USP43: variants seen among roughly 807,000 people sequenced by gnomAD.
USP43 encodes ubiquitin specific peptidase 43, also known as ubiquitin carboxyl-terminal hydrolase 43.
USP43 carries 33 observed loss-of-function variants against 90.7 expected under a neutral mutation model. The ratio of observed to expected loss-of-function variants is 0.36; its 90% CI spans 0.28 to 0.49. USP43 has a LOEUF of 0.49. Among genes scored for constraint, USP43 ranks in the 20% least tolerant of loss-of-function variants. The probability of loss-of-function intolerance (pLI) is 0.98; values close to 1 mark genes in which losing one functional copy is unlikely to be tolerated. For missense variants in USP43, 1,274 were observed against 1,476.4 expected (o/e 0.86, Z 2.25); for synonymous variants, 598 against 615.8 (o/e 0.97, Z 0.43).
chr17:9,676,638 C>T, intron 4 of USP43, 108 bp from the exon 5 acceptor site: 1 of 1,367,082 alleles, frequency 7.3e-7, no homozygotes. Flanking sequence ...TCCCAAAATG[C>T]TAGGATTACA....
chr17:9,723,647 G>C (rs1267617566), intron 14 of USP43, among the ~76,000 whole-genome samples: 1 of 147,600 alleles, frequency 6.8e-6, no homozygotes, highest in African/African-American at 2.5e-5. Flanking sequence ...GCAGTGGTAC[G>C]ATCTTGGCTC....
rs898759754 is a variant in USP43 at position 9,645,822 on chromosome 17, G to A, written c.190G>A (p.Ala64Thr). Residue 64 changes from alanine (A) to threonine (T), a missense_variant, in exon 1 of 15, where the codon GCC (alanine) becomes ACC (threonine). Physicochemically the swap from Ala to Thr is moderately conservative, Grantham distance 58. Coordinates refer to ENST00000285199, the MANE Select transcript of USP43 (RefSeq NM_153210.5). The surrounding 1 kb of genome is among the most constrained non-coding windows in gnomAD (Gnocchi z 6.8). ...CGACGGTGAGGGGGGCTTCGCCTGC[G>A]CCCCGGGCCCAGTTCCAGCGGCCCC... ...DGDGEGGFAC[A>T]PGPVPAAPGS... 1.5e-5 allele frequency: 21 copies of A among 1,389,276 alleles called. No individual in the cohort carries two copies. The East Asian group carries it at 1.5e-4, about 10-fold the overall frequency. The allele number at this position is 1,389,276 out of a possible 1,614,324, so 86.1% of individuals were successfully genotyped here.
intron 3 of USP43, among the ~76,000 whole-genome samples, chr17:9,673,993 C>T (rs372587659): frequency 1.3e-5 from 2 of 152,124 alleles, no homozygotes; most frequent in African/African-American, 4.8e-5. Flanking sequence ...AGCTTAAAAG[C>T]TCAGGATTTT....
chr17:9,722,482 TA>T (rs769723350), intron 14 of USP43, among the ~76,000 whole-genome samples: 2 of 152,238 alleles, frequency 1.3e-5, no homozygotes, highest in African/African-American at 4.8e-5. Flanking sequence ...ATTTCGTTTT[TA>T]AAGATTTTAT....
In USP43 at chr17:9,645,830, C is replaced by A. The variant is rs760575803; in HGVS notation, c.198C>A (p.Gly66=). The A allele has an allele frequency of 5.0e-6, 7 of 1,399,646 alleles. No individual in the cohort carries two copies. In the South Asian group the frequency reaches 9.9e-5, roughly 20 times the overall value. 86.7% of individuals were successfully genotyped at this position (1,399,646 alleles called of 1,614,324 possible). A position where few individuals can be genotyped will look rare whatever the true frequency, so the allele number is the denominator to read the frequency against. The change falls in exon 1 of 15, where the codon GGC becomes GGA. Residue 66 remains glycine, a synonymous_variant. Coordinates refer to ENST00000285199, the MANE Select transcript of USP43 (RefSeq NM_153210.5). This position sits in a 1 kb window ranked among gnomAD's most constrained non-coding sequence, Gnocchi z 6.8. The part of the protein sequence containing the change: ...DGEGGFACAP[G]PVPAAPGSPG... ...AGGGGGGCTTCGCCTGCGCCCCGGG[C>A]CCAGTTCCAGCGGCCCCCGGGAGCC...
intron 1 of USP43, among the ~76,000 whole-genome samples, chr17:9,648,938 C>CCTCTCTTTCTCTCTCTCTCT (rs1458953870): frequency 5.8e-4 from 75 of 129,892 alleles, no homozygotes; most frequent in Middle Eastern, 7.7e-3. Flanking sequence ...TGTCTCTCTC[C>CCTCTCTTTCTCTCTCTCTCT]CTCTCTCTCT....
At chr17:9,696,371 C>A (rs2151985249) in intron 9 of USP43, among the ~76,000 whole-genome samples, 1 of 152,158 alleles carries the variant, frequency 6.6e-6, no homozygotes, top group South Asian at 2.1e-4. Context: ...TGAGCTCAGG[C>A]AATCCGCCTG....
intron 7 of USP43, among the ~76,000 whole-genome samples, chr17:9,683,233 G>C (rs1332118756): frequency 6.6e-6 from 1 of 152,118 alleles, no homozygotes; most frequent in Non-Finnish European, 1.5e-5. Flanking sequence ...GTAAAACCTA[G>C]GCGGTGCAGT....
intron 7 of USP43, among the ~76,000 whole-genome samples, chr17:9,685,234 C>T (rs189794900): frequency 1.3e-5 from 2 of 152,314 alleles, no homozygotes; most frequent in East Asian, 1.9e-4. Flanking sequence ...CTCATTGGGT[C>T]TTCACACAGG....
At chr17:9,724,328 T>C (rs1012643632) in intron 14 of USP43, among the ~76,000 whole-genome samples, 1 of 152,174 alleles carries the variant, frequency 6.6e-6, no homozygotes, top group Non-Finnish European at 1.5e-5. Flanking sequence ...CAGGTTGCAC[T>C]CTGACCTCCA....
At chr17:9,645,287 G>A (rs1462780913), upstream of USP43, 1 of 179,722 alleles carries the variant, frequency 5.6e-6, no homozygotes, top group Non-Finnish European at 1.2e-5. This position sits in a 1 kb window ranked among gnomAD's most constrained non-coding sequence, Gnocchi z 6.8. Flanking sequence ...TCCACTGCTT[G>A]AAGGCTGCTC....
rs371491975 is a variant in USP43, at chr17:9,726,406, G to T, written c.2336-1548G>T. 3.3e-5 allele frequency among the ~76,000 whole-genome samples: 5 copies of T among 152,246 alleles called. No individual in the cohort carries two copies. The East Asian group carries it at 9.6e-4, about 29-fold the overall frequency. ...ATTGTTCATTCAGGCTGTTAGAACAGAATACCACGCCTGGGCAGCTTATCC... is the reference window on the plus strand; with the variant it reads ...ATTGTTCATTCAGGCTGTTAGAACATAATACCACGCCTGGGCAGCTTATCC... On this transcript the variant is annotated intron_variant, in intron 14 of 14. Coordinates refer to ENST00000285199, the MANE Select transcript of USP43 (RefSeq NM_153210.5).
chr17:9,714,678 A>C (rs1341904293), intron 14 of USP43, among the ~76,000 whole-genome samples: 1 of 140,144 alleles, frequency 7.1e-6, no homozygotes, highest in African/African-American at 2.7e-5. Context: ...GCAAGACTCC[A>C]TCTCAAAAAA....
intron 8 of USP43, among the ~76,000 whole-genome samples, chr17:9,691,001 A>T (rs1597856906): frequency 1.3e-5 from 2 of 152,166 alleles, no homozygotes; most frequent in Non-Finnish European, 2.9e-5. Flanking sequence ...TAGGTACCTT[A>T]TATAACTAGA....
intron 14 of USP43, 60 bp downstream of exon 14, chr17:9,712,192 TC>T: frequency 6.7e-7 from 1 of 1,489,450 alleles, no homozygotes; most frequent in Non-Finnish European, 9.0e-7. Flanking sequence ...TTGTTATTGC[TC>T]AGTATGAAAG....
intron 8 of USP43, among the ~76,000 whole-genome samples, chr17:9,691,915 C>T (rs374199758): frequency 6.6e-5 from 10 of 151,790 alleles, no homozygotes; most frequent in African/African-American, 2.4e-4. Context: ...TGGTGGCGGG[C>T]GCCCGTAGTC....
At position 9,674,967 on chromosome 17, in the gene USP43, C is replaced by T; in HGVS notation, c.817C>T (p.Pro273Ser). 6.2e-7 allele frequency: 1 copy of T among 1,614,020 alleles called. No individual in the cohort carries two copies. ...DPFLCVSLPI[P>S]LRQTRFLSVT... Reference sequence around the variant, plus strand: ...TTTCCTGTGTGTGTCCCTACCTATCCCCTTGCGCCAGACGAGGTACGTGAG... The same window carrying T: ...TTTCCTGTGTGTGTCCCTACCTATCTCCTTGCGCCAGACGAGGTACGTGAG... The change falls in exon 4 of 15, where the codon CCC (proline) becomes TCC (serine). Residue 273 changes from proline (P) to serine (S), a missense_variant. Coordinates refer to ENST00000285199, the MANE Select transcript of USP43 (RefSeq NM_153210.5). This position sits in a 1 kb window ranked among gnomAD's most constrained non-coding sequence, Gnocchi z 4.4.
chr17:9,713,130 G>A (rs1278673639), intron 14 of USP43, among the ~76,000 whole-genome samples: 6 of 151,836 alleles, frequency 4.0e-5, no homozygotes, highest in African/African-American at 9.7e-5. Context: ...TCACTCTGTC[G>A]CAGGCTGGAG....
rs571824013 is a variant in USP43 at position 9,693,122 on chromosome 17, C to A, written c.1354-5C>A. On this transcript the variant is annotated splice_polypyrimidine_tract_variant and splice_region_variant and intron_variant, in intron 8 of 14. Coordinates refer to ENST00000285199, the MANE Select transcript of USP43 (RefSeq NM_153210.5). ...AATGATCCATGTCTGTTTTTGTCTT[C>A]GCAGAACCTGGGGTCTCTGTTCTCC... 1 of 1,612,294 alleles carries A rather than the reference C, an allele frequency of 6.2e-7. No homozygotes were observed. Among genetic ancestry groups the A allele is most frequent in the African/African-American group, 1.3e-5 (1 of 74,970 alleles).
Sources: allele counts gnomAD v4.1 joint callset (sites outside exome capture counted in the v4.1 genomes callset), GRCh38; gene constraint gnomAD v4.1.1; non-coding constraint Gnocchi (gnomAD v3.1); transcripts MANE v1.5; gene names NCBI Gene and HGNC (gene_info 2026-07-23, HGNC 2026-07-21).